LRRIQ1: variants seen among roughly 807,000 people sequenced by gnomAD.
LRRIQ1 encodes the protein leucine-rich repeat- and IQ domain-containing protein 1.
In LRRIQ1, 210 loss-of-function variants were observed where a neutral mutation model predicts 211.9. That is an observed-to-expected ratio of 0.99 (90% CI 0.89 to 1.11). The LOEUF (loss-of-function observed/expected upper bound fraction) is 1.11. LRRIQ1 is among the 50% of genes most tolerant of loss of function. The pLI is 0.00. For synonymous variants in LRRIQ1, 699 were observed against 650.1 expected (o/e 1.08, Z -1.14); for missense variants, 2,136 against 1,939.5 (o/e 1.10, Z -1.90).
chr12:85,233,873 G>C (rs1276499198), intron 26 of LRRIQ1, among the ~76,000 whole-genome samples: 1 of 152,108 alleles, frequency 6.6e-6, no homozygotes, highest in African/African-American at 2.4e-5. Flanking sequence ...AGATTGGTTA[G>C]TGGCCACCTT....
chr12:85,215,049 C>G (rs1894012001), intron 24 of LRRIQ1, among the ~76,000 whole-genome samples: 1 of 151,944 alleles, frequency 6.6e-6, no homozygotes, highest in South Asian at 2.1e-4. Flanking sequence ...AAAAGAAATC[C>G]AAATAACTCA....
chr12:85,146,063 A>C, intron 19 of LRRIQ1, among the ~76,000 whole-genome samples: 1 of 151,718 alleles, frequency 6.6e-6, no homozygotes, highest in East Asian at 1.9e-4. Context: ...TCAATAGTCC[A>C]GGTGTTTTCT....
At chr12:85,057,467 A>T (rs1052401275) in intron 8 of LRRIQ1, among the ~76,000 whole-genome samples, 1 of 152,024 alleles carries the variant, frequency 6.6e-6, no homozygotes, top group Non-Finnish European at 1.5e-5. Flanking sequence ...ACCTCTAAGA[A>T]TGGAAGCATA....
the LRRIQ1 span, among the ~76,000 whole-genome samples, chr12:85,272,197 G>A: frequency 6.6e-6 from 1 of 152,082 alleles, no homozygotes; most frequent in Non-Finnish European, 1.5e-5. Context: ...GCAAAAATTA[G>A]TAAAGTTTCT....
chr12:85,270,210 A>T, the LRRIQ1 span, among the ~76,000 whole-genome samples: 5 of 152,148 alleles, frequency 3.3e-5, no homozygotes, highest in Non-Finnish European at 5.9e-5. Flanking sequence ...TATATTTCTA[A>T]TAAACTTTTA....
intron 24 of LRRIQ1, among the ~76,000 whole-genome samples, chr12:85,209,443 T>A (rs1039475115): frequency 6.6e-6 from 1 of 152,190 alleles, no homozygotes; most frequent in Non-Finnish European, 1.5e-5. Flanking sequence ...CCCATCAGAT[T>A]TCTACTACCA....
intron 2 of LRRIQ1, among the ~76,000 whole-genome samples, chr12:85,039,173 G>A (rs1878556923): frequency 6.6e-6 from 1 of 151,174 alleles, no homozygotes; most frequent in Non-Finnish European, 1.5e-5. Flanking sequence ...AAATCCAACA[G>A]AATAATGGAT....
At chr12:85,054,447 T>G (rs1880733431) in intron 7 of LRRIQ1, among the ~76,000 whole-genome samples, 1 of 152,210 alleles carries the variant, frequency 6.6e-6, no homozygotes, top group South Asian at 2.1e-4. Context: ...GCATGCAATG[T>G]TCGGTCTTTC....
At chr12:85,075,474 T>C (rs1441885245) in intron 11 of LRRIQ1, among the ~76,000 whole-genome samples, 3 of 151,990 alleles carry the variant, frequency 2.0e-5, no homozygotes, top group Non-Finnish European at 4.4e-5. Context: ...GAGGCGAAGC[T>C]GGCGCAGGCA....
At chr12:85,073,223 G>T (rs1016574087) in intron 11 of LRRIQ1, 125 bp downstream of exon 11, 2 of 578,484 alleles carry the variant, frequency 3.5e-6, no homozygotes, top group African/African-American at 2.0e-5. Context: ...AAATATAGCT[G>T]TTTTCACAAA....
intron 13 of LRRIQ1, among the ~76,000 whole-genome samples, chr12:85,102,781 C>G (rs1886443871): frequency 1.3e-5 from 2 of 150,796 alleles, no homozygotes; most frequent in African/African-American, 2.4e-5. Flanking sequence ...AGGACCCTTC[C>G]AGGACAACTG....
chr12:85,052,152 A>G (rs758476739), intron 6 of LRRIQ1, 25 bp from the exon 7 acceptor site: 3 of 1,196,502 alleles, frequency 2.5e-6, no homozygotes, highest in Non-Finnish European at 2.4e-6. Flanking sequence ...GAGTATAGTC[A>G]TATTTATTAT....
At chr12:85,123,983 C>T in intron 16 of LRRIQ1, 87 bp from the exon 17 acceptor site, 2 of 842,860 alleles carry the variant, frequency 2.4e-6, no homozygotes, top group Non-Finnish European at 3.7e-6. Context: ...CATTTGAGGC[C>T]ATACAGTGAA....
At chr12:85,210,661 C>T (rs1893794743) in intron 24 of LRRIQ1, among the ~76,000 whole-genome samples, 1 of 152,092 alleles carries the variant, frequency 6.6e-6, no homozygotes, top group South Asian at 2.1e-4. Context: ...TCATTGGTTT[C>T]GTATACAAGA....
chr12:85,133,365 C>T (rs1888904808), intron 18 of LRRIQ1, among the ~76,000 whole-genome samples: 1 of 152,118 alleles, frequency 6.6e-6, no homozygotes, highest in South Asian at 2.1e-4. Flanking sequence ...AACATAGCCC[C>T]TCCTGGAGTC....
intron 8 of LRRIQ1, among the ~76,000 whole-genome samples, chr12:85,062,028 C>A (rs891203678): frequency 2.0e-5 from 3 of 151,650 alleles, no homozygotes; most frequent in Non-Finnish European, 4.4e-5. Context: ...AAATTTAAAA[C>A]TTTTAGTTCA....
At chr12:85,247,433 A>G (rs1048086345), downstream of LRRIQ1, among the ~76,000 whole-genome samples, 3 of 151,516 alleles carry the variant, frequency 2.0e-5, no homozygotes, top group African/African-American at 7.3e-5. Context: ...TTTTCTAGAT[A>G]TTTCTCTTTT....
chr12:85,212,529 T>G (rs542079329), intron 24 of LRRIQ1, among the ~76,000 whole-genome samples: 11 of 151,866 alleles, frequency 7.2e-5, no homozygotes, highest in African/African-American at 2.7e-4. Context: ...AAGCATAAAT[T>G]TAAAATATTA....
intron 24 of LRRIQ1, among the ~76,000 whole-genome samples, chr12:85,201,917 G>C (rs987005128): frequency 6.6e-6 from 1 of 151,944 alleles, no homozygotes; most frequent in Non-Finnish European, 1.5e-5. Context: ...ACTTTTTGAT[G>C]TGTGCTCTCA....
Sources: gnomAD v4.1 joint callset for allele counts (sites outside exome capture counted in the v4.1 genomes callset) on GRCh38, gnomAD v4.1.1 for gene constraint, MANE v1.5 for transcripts, NCBI Gene and HGNC (gene_info 2026-07-23, HGNC 2026-07-21) for gene names.